PTPRK: variants seen among roughly 807,000 people sequenced by gnomAD.
The protein encoded by PTPRK is protein tyrosine phosphatase receptor type K.
PTPRK carries 75 observed loss-of-function variants against 178.0 expected under a neutral mutation model. The ratio of observed to expected loss-of-function variants is 0.42; its 90% confidence interval spans 0.35 to 0.51. The LOEUF (loss-of-function observed/expected upper bound fraction) is 0.51. Among genes scored for constraint, PTPRK ranks in the 20% least tolerant of loss-of-function variants. The probability of loss-of-function intolerance (pLI) is 0.02; values close to 1 mark genes in which losing one functional copy is unlikely to be tolerated. For synonymous variants in PTPRK, 637 were observed against 620.6 expected (o/e 1.03, Z -0.39); for missense variants, 1,441 against 1,797.8 (o/e 0.80, Z 3.59).
intron 7 of PTPRK, among the ~76,000 whole-genome samples, chr6:128,180,517 G>GT (rs1801742976): frequency 6.6e-6 from 1 of 152,066 alleles, no homozygotes; most frequent in Non-Finnish European, 1.5e-5. Context: ...ACTGGAGGCT[G>GT]TAATTACCAC....
intron 7 of PTPRK, among the ~76,000 whole-genome samples, chr6:128,172,268 A>G (rs1454301216): frequency 1.3e-5 from 2 of 152,004 alleles, no homozygotes; most frequent in African/African-American, 2.4e-5. Context: ...TCTTCAGATG[A>G]TATTTGTACT....
intron 6 of PTPRK, among the ~76,000 whole-genome samples, chr6:128,190,730 C>T (rs373626788): frequency 2.6e-5 from 4 of 151,900 alleles, no homozygotes; most frequent in Admixed American, 6.6e-5. Flanking sequence ...AACTCCAGAC[C>T]GCAGGTGATC....
intron 7 of PTPRK, among the ~76,000 whole-genome samples, chr6:128,094,022 C>A (rs1321724116): frequency 2.0e-5 from 3 of 152,048 alleles, no homozygotes; most frequent in Non-Finnish European, 2.9e-5. Context: ...GATCTTTAGA[C>A]CTCATTTAGA....
At chr6:128,495,327 A>G (rs1056744533) in intron 1 of PTPRK, among the ~76,000 whole-genome samples, 1 of 152,238 alleles carries the variant, frequency 6.6e-6, no homozygotes, top group Non-Finnish European at 1.5e-5. Context: ...TTTAAATCTT[A>G]ATAAGAGACG....
chr6:128,227,244 A>G (rs981488286), intron 5 of PTPRK, among the ~76,000 whole-genome samples: 13 of 152,224 alleles, frequency 8.5e-5, no homozygotes, highest in Admixed American at 1.3e-4. Context: ...CGTGATGCAT[A>G]TGAGTCCACA....
At chr6:128,061,724 C>A (rs953425710) in intron 13 of PTPRK, among the ~76,000 whole-genome samples, 1 of 152,106 alleles carries the variant, frequency 6.6e-6, no homozygotes. Context: ...AGATGCACCT[C>A]GTCTGATAGA....
At chr6:128,159,536 A>G (rs1294168700) in intron 7 of PTPRK, among the ~76,000 whole-genome samples, 3 of 151,814 alleles carry the variant, frequency 2.0e-5, no homozygotes, top group Admixed American at 6.6e-5. Flanking sequence ...TTTATATTTA[A>G]AGTATGAAAG....
At chr6:128,001,354 G>A (rs1583587613) in intron 15 of PTPRK, 4 of 500,772 alleles carry the variant, frequency 8.0e-6, no homozygotes, top group South Asian at 1.0e-4. Context: ...AAAAATGATT[G>A]GATGCAAAAC....
chr6:128,468,921 C>CAAA (rs375371831), intron 1 of PTPRK, among the ~76,000 whole-genome samples: 4,777 of 90,302 alleles, frequency 0.053, 114 homozygotes, highest in South Asian at 0.07. Flanking sequence ...AACACCTTTT[C>CAAA]AAAAAAAAAA....
chr6:128,051,069 A>T (rs995733312), intron 13 of PTPRK, among the ~76,000 whole-genome samples: 11 of 151,920 alleles, frequency 7.2e-5, no homozygotes, highest in African/African-American at 2.2e-4. Flanking sequence ...ACACTTCTCA[A>T]TTTTTTCTGT....
chr6:128,111,470 T>G (rs2114337439), intron 7 of PTPRK, among the ~76,000 whole-genome samples: 1 of 152,352 alleles, frequency 6.6e-6, no homozygotes, highest in South Asian at 2.1e-4. Context: ...GAACTTAAAC[T>G]GTATCTCAGA....
chr6:128,256,316 C>T (rs1167807465), intron 3 of PTPRK, among the ~76,000 whole-genome samples: 1 of 152,160 alleles, frequency 6.6e-6, no homozygotes, highest in Admixed American at 6.5e-5. Flanking sequence ...AGTGAGCACA[C>T]ACTATTCTAG....
intron 1 of PTPRK, among the ~76,000 whole-genome samples, chr6:128,448,538 A>C (rs986015322): frequency 2.0e-5 from 3 of 152,216 alleles, no homozygotes; most frequent in Non-Finnish European, 4.4e-5. Flanking sequence ...CACTCAGCAC[A>C]AAGCATGCCA....
intron 3 of PTPRK, among the ~76,000 whole-genome samples, chr6:128,246,108 A>C (rs181961840): frequency 6.6e-6 from 1 of 152,184 alleles, no homozygotes; most frequent in South Asian, 2.1e-4. Flanking sequence ...CTAGGAAAAT[A>C]AGTTTTATTT....
chr6:128,123,481 A>T (rs1792812109), intron 7 of PTPRK, among the ~76,000 whole-genome samples: 1 of 152,124 alleles, frequency 6.6e-6, no homozygotes, highest in Non-Finnish European at 1.5e-5. Context: ...TAGAATAGTT[A>T]TGCATTTACA....
At chr6:128,479,324 G>A (rs189918711) in intron 1 of PTPRK, among the ~76,000 whole-genome samples, 101 of 152,214 alleles carry the variant, frequency 6.6e-4, no homozygotes, top group Non-Finnish European at 2.6e-4. Flanking sequence ...ATTAGGGGGA[G>A]GGGAACCCAG....
intron 5 of PTPRK, among the ~76,000 whole-genome samples, chr6:128,222,750 AT>A (rs1810640614): frequency 6.6e-6 from 1 of 152,232 alleles, no homozygotes; most frequent in Non-Finnish European, 1.5e-5. Flanking sequence ...TCTATTGTTT[AT>A]GCATTGCCAA....
chr6:128,401,375 A>C (rs1236071979), intron 1 of PTPRK, among the ~76,000 whole-genome samples: 1 of 152,204 alleles, frequency 6.6e-6, no homozygotes, highest in Non-Finnish European at 1.5e-5. Context: ...AACATCTAGC[A>C]TTTAGATTCT....
chr6:128,385,989 A>G (rs1838657122), intron 2 of PTPRK, among the ~76,000 whole-genome samples: 1 of 152,202 alleles, frequency 6.6e-6, no homozygotes. Context: ...CAGTGAATCA[A>G]TTTGGCATTA....
Sources: allele counts gnomAD v4.1 joint callset (sites outside exome capture counted in the v4.1 genomes callset), GRCh38; gene constraint gnomAD v4.1.1; transcripts MANE v1.5; gene names NCBI Gene and HGNC (gene_info 2026-07-23, HGNC 2026-07-21).